CELF2: variants seen among roughly 807,000 people sequenced by gnomAD.
The protein encoded by CELF2 is CUG triplet repeat RNA-binding protein 2.
CELF2 carries 8 observed loss-of-function variants against 62.6 expected under a neutral mutation model. The ratio of observed to expected loss-of-function variants is 0.13; its 90% CI spans 0.07 to 0.23. The LOEUF (loss-of-function observed/expected upper bound fraction) is 0.23. Among genes scored for constraint, CELF2 ranks in the 10% least tolerant of loss-of-function variants. The pLI, the probability that CELF2 is intolerant of heterozygous loss-of-function variation, is 1.00. For synonymous variants in CELF2, 258 were observed against 250.0 expected, an observed-to-expected ratio of 1.03 and a Z score of -0.30; for missense variants, 333 against 671.0, an observed-to-expected ratio of 0.50 and a Z score of 5.56.
At chr10:10,575,876 AGATCACAGTAGAGGAATCCTT>A in the CELF2 span, among the ~76,000 whole-genome samples, 3 of 152,244 alleles carry the variant, frequency 2.0e-5, no homozygotes, top group African/African-American at 7.2e-5. Context: ...ACATCTTTCA[AGATCACAGTAGAGGAATCCTT>A]GACCCCTGGC....
intron 6 of CELF2, 99 bp downstream of exon 6, chr10:11,266,776 G>C: frequency 1.2e-6 from 1 of 841,422 alleles, no homozygotes; most frequent in Non-Finnish European, 1.9e-6. Context: ...GACAATCACA[G>C]ATGTAAACTT....
In CELF2 at chr10:11,194,684, C is replaced by T. The variant is rs772206597; in HGVS notation, c.272-22741C>T. Reference sequence around the variant, plus strand: ...AAGATCAGTGACATGTTAATATATTCGGCTATTTTACTGTGAATATAATGG... The same window carrying T: ...AAGATCAGTGACATGTTAATATATTTGGCTATTTTACTGTGAATATAATGG... On this transcript the variant is annotated intron_variant, in intron 2 of 12. Transcript: ENST00000633077. 1.1e-4 allele frequency among the ~76,000 whole-genome samples: 17 copies of T among 152,276 alleles called. No individual in the cohort carries two copies. In the South Asian group the frequency reaches 1.4e-3, roughly 13 times the overall value.
Position 11,318,398 on chromosome 10 carries a change from A to G in CELF2, c.1097-2791A>G. On this transcript the variant is annotated intron_variant, in intron 10 of 12. Transcript: ENST00000633077. The surrounding 1 kb of genome is among the most constrained non-coding windows in gnomAD (Gnocchi z 5.4). ...GTCCCCTGACTGGTCCCCCTTGAGC[A>G]TCTGCATCCCTTGCTCATGGTACCG... The G allele has an allele frequency of 3.8e-6, 1 of 264,960 alleles. No individual in the cohort carries two copies. The highest frequency in any genetic ancestry group is 3.9e-5 in the South Asian group (1 of 25,730). 16.4% of individuals were successfully genotyped at this position (264,960 alleles called of 1,614,324 possible). A position where few individuals can be genotyped will look rare whatever the true frequency, so the allele number is the denominator to read the frequency against.
the CELF2 span, among the ~76,000 whole-genome samples, chr10:10,670,911 G>A: frequency 7.1e-6 from 1 of 141,798 alleles, no homozygotes; most frequent in Non-Finnish European, 1.5e-5. Flanking sequence ...GCTCATGCCT[G>A]TAACCTCAAC....
the CELF2 span, among the ~76,000 whole-genome samples, chr10:10,610,350 C>T: frequency 1.3e-5 from 2 of 152,200 alleles, no homozygotes; most frequent in African/African-American, 2.4e-5. Flanking sequence ...TCCCTCACTA[C>T]TTCCTTAAAA....
intron 2 of CELF2, among the ~76,000 whole-genome samples, chr10:11,190,630 T>A (rs956701101): frequency 1.3e-5 from 2 of 151,016 alleles, no homozygotes; most frequent in Non-Finnish European, 3.0e-5. Flanking sequence ...AAAAAAAAAA[T>A]TCACAAAGTA....
chr10:11,238,402 C>G lies in CELF2; in HGVS notation c.355-10751C>G, dbSNP rs562721372. On this transcript the variant is annotated intron_variant, in intron 3 of 12. Transcript: ENST00000633077. ...TCCATTTTCAAAATTGTTTTATACC[C>G]TCTAGTTTCTTGCTATTAAAACATA... Among the ~76,000 whole-genome samples, 16 of 152,288 alleles carry G rather than the reference C, an allele frequency of 1.1e-4. 1 individual carries two copies. In the East Asian group the frequency reaches 3.1e-3, roughly 29 times the overall value.
At chr10:11,184,002 G>A (rs1430947386) in intron 2 of CELF2, among the ~76,000 whole-genome samples, 1 of 152,120 alleles carries the variant, frequency 6.6e-6, no homozygotes, top group East Asian at 1.9e-4. Context: ...AGGTCATAAA[G>A]GTTTTTTCTA....
At chr10:10,629,188 A>G in the CELF2 span, among the ~76,000 whole-genome samples, 1 of 152,090 alleles carries the variant, frequency 6.6e-6, no homozygotes, top group South Asian at 2.1e-4. Context: ...TTTCCATAAT[A>G]AAACATCAGG....
intron 1 of CELF2, among the ~76,000 whole-genome samples, chr10:10,913,379 CTTTTTT>C (rs34163796): frequency 7.0e-5 from 4 of 57,358 alleles, no homozygotes; most frequent in Admixed American, 2.9e-4. Flanking sequence ...GTAATGATGT[CTTTTTT>C]TTTTTTTTTT....
chr10:11,192,007 C>T (rs1199349939), intron 2 of CELF2, among the ~76,000 whole-genome samples: 1 of 152,288 alleles, frequency 6.6e-6, no homozygotes, highest in East Asian at 1.9e-4. Flanking sequence ...CCCAGAATAG[C>T]CAATTAGTAT....
the CELF2 span, among the ~76,000 whole-genome samples, chr10:10,566,357 C>T: frequency 2.0e-5 from 3 of 150,364 alleles, no homozygotes; most frequent in Admixed American, 6.6e-5. Context: ...GCTCTAGGTT[C>T]TTGCAAGGAC....
intron 1 of CELF2, among the ~76,000 whole-genome samples, chr10:11,163,586 T>A (rs967308831): frequency 2.0e-5 from 3 of 152,230 alleles, no homozygotes; most frequent in Non-Finnish European, 4.4e-5. Flanking sequence ...CCAAAATTGT[T>A]GAGAGAAGAT....
chr10:10,986,661 A>T (rs1027514779), intron 2 of CELF2, among the ~76,000 whole-genome samples: 1 of 152,232 alleles, frequency 6.6e-6, no homozygotes, highest in Admixed American at 6.5e-5. Flanking sequence ...TGAAAATTAA[A>T]TTGAATTAAT....
chr10:11,055,884 A>G lies in CELF2; in HGVS notation c.74+37721A>G, dbSNP rs181447499. Among the ~76,000 whole-genome samples the G allele has an allele frequency of 5.3e-5, 8 of 152,312 alleles. No homozygotes were observed. In the East Asian group the frequency reaches 1.5e-3, roughly 29 times the overall value. On this transcript the variant is annotated intron_variant, in intron 1 of 12. Transcript: ENST00000633077. Reference sequence around the variant, plus strand: ...CCAACTGCTGTATTATTTAAATCCCATCTACAGCACTCACTACAAGCAATG... The same window carrying G: ...CCAACTGCTGTATTATTTAAATCCCGTCTACAGCACTCACTACAAGCAATG...
rs535619748 is a variant in CELF2, at chr10:10,943,099, C to T, written c.89+23100C>T. Among the ~76,000 whole-genome samples the T allele has an allele frequency of 1.2e-4, 18 of 152,306 alleles. No homozygotes were observed. The South Asian group carries it at 2.9e-3, about 25-fold the overall frequency. On this transcript the variant is annotated intron_variant, in intron 2 of 13. Coordinates refer to the CELF2 transcript ENST00000636488. ...TGTTAACCAACTCCTCTTCCTTGCC[C>T]CTCCTGTTGTCCTTCCTGTCTATAT...
At chr10:11,287,121 A>G (rs1165879792) in intron 8 of CELF2, among the ~76,000 whole-genome samples, 1 of 152,192 alleles carries the variant, frequency 6.6e-6, no homozygotes, top group Non-Finnish European at 1.5e-5. Context: ...CTACACACAC[A>G]TTACGGAAGC....
At chr10:10,616,356 A>C in the CELF2 span, among the ~76,000 whole-genome samples, 1 of 146,830 alleles carries the variant, frequency 6.8e-6, no homozygotes, top group South Asian at 2.2e-4. Flanking sequence ...TTAGAAAGCA[A>C]ATTCAGAACC....
chr10:10,609,118 C>A, the CELF2 span, among the ~76,000 whole-genome samples: 2 of 152,158 alleles, frequency 1.3e-5, no homozygotes, highest in Non-Finnish European at 2.9e-5. Context: ...TGTAGGCAGT[C>A]TTAGTGTTCG....
Sources: gnomAD v4.1 joint callset for allele counts (sites outside exome capture counted in the v4.1 genomes callset) on GRCh38, gnomAD v4.1.1 for gene constraint, Gnocchi (gnomAD v3.1) non-coding constraint, MANE v1.5 for transcripts, NCBI Gene and HGNC (gene_info 2026-07-23, HGNC 2026-07-21) for gene names.